The following PSD3 variants were observed in gnomAD, a reference collection of about 807,000 sequenced individuals.
The protein encoded by PSD3 is PH and SEC7 domain-containing protein 3.
In PSD3, 49 loss-of-function variants were observed where a neutral mutation model predicts 105.5. That is an observed-to-expected ratio of 0.46 (90% confidence interval 0.37 to 0.59). The LOEUF (loss-of-function observed/expected upper bound fraction) is 0.59. Ranked by LOEUF, PSD3 falls within the 20% of genes least tolerant of loss-of-function variation. The probability of loss-of-function intolerance (pLI) is 0.00; values close to 1 mark genes in which losing one functional copy is unlikely to be tolerated. For synonymous variants in PSD3, 557 were observed against 457.8 expected (o/e 1.22, Z -2.77); for missense variants, 1,561 against 1,263.8 (o/e 1.24, Z -3.57).
Position 18,847,638 on chromosome 8 carries a change from T to C in PSD3, c.1634+20036A>G, listed in dbSNP as rs138877986. The stretch of plus-strand genomic sequence containing the variant: ...TCAGAGGTGGAATACACCATGTGAA[T>C]TATTTAACCAAATCTAATTTTTCAG... On this transcript the variant is annotated intron_variant, in intron 4 of 15. Coordinates refer to ENST00000327040, the MANE Select transcript of PSD3 (RefSeq NM_015310.4). Among the ~76,000 whole-genome samples the C allele has an allele frequency of 3.3e-5, 5 of 152,330 alleles. No individual in the cohort carries two copies. The South Asian group carries it at 6.2e-4, about 19-fold the overall frequency.
At chr8:18,539,008 C>T (rs573782355) in intron 15 of PSD3, among the ~76,000 whole-genome samples, 11 of 152,224 alleles carry the variant, frequency 7.2e-5, no homozygotes, top group African/African-American at 2.2e-4. Context: ...CCATTTCTGA[C>T]TTAAAAAAGG....
At chr8:18,690,427 G>A (rs79468023) in intron 9 of PSD3, among the ~76,000 whole-genome samples, 2,366 of 152,242 alleles carry the variant, frequency 0.016, 49 homozygotes, top group East Asian at 0.039. Context: ...GGATCAAAAC[G>A]TACTGCTTTA....
intron 8 of PSD3, among the ~76,000 whole-genome samples, chr8:18,775,903 C>A (rs1808018812): frequency 6.6e-6 from 1 of 152,106 alleles, no homozygotes; most frequent in Non-Finnish European, 1.5e-5. Flanking sequence ...CCCCGCCGAC[C>A]CCCTGCAAAA....
chr8:18,962,952 A>G (rs1824012928), intron 1 of PSD3, among the ~76,000 whole-genome samples: 1 of 152,212 alleles, frequency 6.6e-6, no homozygotes, highest in Admixed American at 6.5e-5. Flanking sequence ...CAACATATGT[A>G]TTAGTCCGTT....
chr8:18,691,572 C>T (rs956483245), intron 9 of PSD3, among the ~76,000 whole-genome samples: 23 of 152,212 alleles, frequency 1.5e-4, no homozygotes, highest in African/African-American at 4.8e-4. Context: ...ACACAAAATG[C>T]AAATACAGAA....
chr8:18,972,593 T>G (rs1824718147), intron 1 of PSD3, among the ~76,000 whole-genome samples: 1 of 152,194 alleles, frequency 6.6e-6, no homozygotes, highest in Non-Finnish European at 1.5e-5. Flanking sequence ...CTAATCCCAG[T>G]ATGATGGTAT....
chr8:19,021,081 GA>G (rs1827347304), intron 1 of PSD3, among the ~76,000 whole-genome samples: 1 of 152,172 alleles, frequency 6.6e-6, no homozygotes, highest in Admixed American at 6.5e-5. Flanking sequence ...ATGGTAAAGA[GA>G]AAAGAGGAGA....
At chr8:19,017,159 C>T (rs2129475705), upstream of PSD3, among the ~76,000 whole-genome samples, 1 of 150,542 alleles carries the variant, frequency 6.6e-6, no homozygotes, top group South Asian at 2.1e-4. Context: ...CTCAAGTAAT[C>T]CTCCCACCTC....
At chr8:18,623,312 T>C (rs959089133) in intron 11 of PSD3, among the ~76,000 whole-genome samples, 4 of 151,950 alleles carry the variant, frequency 2.6e-5, no homozygotes, top group Non-Finnish European at 4.4e-5. Context: ...CTATTGAGTT[T>C]TAAAAATTTT....
intron 1 of PSD3, among the ~76,000 whole-genome samples, chr8:18,946,549 C>T (rs182055708): frequency 7.6e-6 from 1 of 132,382 alleles, no homozygotes; most frequent in Non-Finnish European, 1.6e-5. Context: ...CCACTGCACT[C>T]CAGCCTGGGC....
chr8:18,743,959 TCACCACCACCACCACCACCACCAC>T (rs111311023), intron 9 of PSD3, among the ~76,000 whole-genome samples: 4 of 138,812 alleles, frequency 2.9e-5, no homozygotes, highest in African/African-American at 5.9e-5. Context: ...ACTCTGTCTC[TCACCACCACCACCACCACCACCAC>T]CACCACCACC....
At chr8:18,895,212 T>A (rs140212502) in intron 2 of PSD3, among the ~76,000 whole-genome samples, 479 of 152,302 alleles carry the variant, frequency 3.1e-3, no homozygotes, top group Non-Finnish European at 5.5e-3. Context: ...AGAAGCAGAA[T>A]ACAGCAAAGA....
intron 12 of PSD3, among the ~76,000 whole-genome samples, chr8:18,586,937 C>T (rs1224179294): frequency 5.3e-5 from 8 of 152,000 alleles, no homozygotes; most frequent in South Asian, 2.1e-4. Flanking sequence ...TAAGGATAGA[C>T]GCCGGATCCT....
chr8:18,867,852 T>C lies in PSD3; in HGVS notation c.1456A>G (p.Ile486Val), dbSNP rs367964851. Residue 486 changes from isoleucine to valine, a missense_variant, in exon 4 of 16, where the codon ATT becomes GTT. By Grantham distance (29) the Ile-to-Val change is conservative. Coordinates refer to ENST00000327040, the MANE Select transcript of PSD3 (RefSeq NM_015310.4). ...MPLTPMIQQR[I>V]KEGGQFLERT... The stretch of plus-strand genomic sequence containing the variant: ...TCCAAGAACTGACCACCTTCTTTAA[T>C]GCGCTGTTGTATCATTGGAGTGAGG... The C allele has an allele frequency of 1.9e-6, 3 of 1,614,104 alleles. No individual in the cohort carries two copies. The African/African-American group carries it at 4.0e-5, about 22-fold the overall frequency.
chr8:18,976,454 A>T (rs1181556310), intron 1 of PSD3, among the ~76,000 whole-genome samples: 1 of 152,204 alleles, frequency 6.6e-6, no homozygotes, highest in Non-Finnish European at 1.5e-5. Flanking sequence ...GGACATTACT[A>T]ATGTTTACCA....
At chr8:18,660,508 C>T (rs540439552) in intron 9 of PSD3, among the ~76,000 whole-genome samples, 22 of 152,186 alleles carry the variant, frequency 1.4e-4, no homozygotes, top group Non-Finnish European at 3.2e-4. Flanking sequence ...ATGATATACC[C>T]ACAGGTGGAT....
At chr8:18,577,269 G>C (rs1021033878) in intron 12 of PSD3, among the ~76,000 whole-genome samples, 1 of 151,948 alleles carries the variant, frequency 6.6e-6, no homozygotes, top group African/African-American at 2.4e-5. Context: ...CAGAGAATAT[G>C]GTCTAGAAAA....
chr8:18,967,832 G>A (rs956454770), intron 1 of PSD3, among the ~76,000 whole-genome samples: 8 of 152,176 alleles, frequency 5.3e-5, no homozygotes, highest in South Asian at 2.1e-4. Flanking sequence ...ATCAGGTGAC[G>A]GAAGATACAG....
chr8:18,607,089 T>TA (rs1685836842), intron 11 of PSD3, among the ~76,000 whole-genome samples: 1 of 152,200 alleles, frequency 6.6e-6, no homozygotes, highest in Admixed American at 6.5e-5. Flanking sequence ...GTCGGTCTGC[T>TA]ACTCCTGTGA....
Sources: allele counts gnomAD v4.1 joint callset (sites outside exome capture counted in the v4.1 genomes callset), GRCh38; gene constraint gnomAD v4.1.1; transcripts MANE v1.5; gene names NCBI Gene and HGNC (gene_info 2026-07-23, HGNC 2026-07-21).